Variants in IMMP2L observed in about 807,000 individuals in gnomAD.
The protein encoded by IMMP2L is inner mitochondrial membrane peptidase subunit 2.
IMMP2L carries 18 observed loss-of-function variants against 19.3 expected under a neutral mutation model. That is an observed-to-expected ratio of 0.93 (90% CI 0.64 to 1.38). IMMP2L has a LOEUF of 1.38. Among genes scored for constraint, IMMP2L ranks in the 40% most tolerant of loss-of-function variants. The pLI is 0.00. For synonymous variants in IMMP2L, 76 were observed against 73.0 expected, an observed-to-expected ratio of 1.04 and a Z score of -0.21; for missense variants, 233 against 218.2, an observed-to-expected ratio of 1.07 and a Z score of -0.43.
intron 2 of IMMP2L, among the ~76,000 whole-genome samples, chr7:111,491,528 C>T (rs904017750): frequency 3.3e-5 from 5 of 152,056 alleles, no homozygotes; most frequent in African/African-American, 1.2e-4. Flanking sequence ...ACTCTCTACC[C>T]CCAGGTTCCT....
At chr7:110,965,337 T>C (rs1819417666) in intron 3 of IMMP2L, among the ~76,000 whole-genome samples, 2 of 152,074 alleles carry the variant, frequency 1.3e-5, no homozygotes, top group African/African-American at 4.8e-5. Context: ...ATATTCAAAC[T>C]GTACATTTCA....
chr7:110,934,721 T>C (rs919121037), intron 4 of IMMP2L, among the ~76,000 whole-genome samples: 1 of 152,234 alleles, frequency 6.6e-6, no homozygotes, highest in Non-Finnish European at 1.5e-5. Context: ...TTAGCTCTTC[T>C]TATTGCATTG....
intron 3 of IMMP2L, among the ~76,000 whole-genome samples, chr7:111,105,615 A>T (rs553825830): frequency 6.6e-6 from 1 of 152,002 alleles, no homozygotes; most frequent in East Asian, 1.9e-4. Context: ...AGAAACAAAT[A>T]CAACATGTAT....
At chr7:111,315,819 C>T (rs1452124454) in intron 3 of IMMP2L, among the ~76,000 whole-genome samples, 1 of 151,286 alleles carries the variant, frequency 6.6e-6, no homozygotes, top group African/African-American at 2.4e-5. Context: ...AAAAAACTTA[C>T]TCTGGCTATG....
intron 3 of IMMP2L, among the ~76,000 whole-genome samples, chr7:111,478,553 C>T (rs902083774): frequency 7.2e-6 from 1 of 138,074 alleles, no homozygotes; most frequent in Non-Finnish European, 1.6e-5. Flanking sequence ...CAACACCATG[C>T]CCAGCTTTTG....
In IMMP2L at chr7:110,870,679, A is replaced by C. The variant is rs372646590; in HGVS notation, c.408+15914T>G. Among the ~76,000 whole-genome samples, 29 of 152,120 alleles carry C rather than the reference A, an allele frequency of 1.9e-4. No homozygotes were observed. Among genetic ancestry groups the C allele is most frequent in the African/African-American group, 5.8e-4 (24 of 41,432 alleles). On this transcript the variant is annotated intron_variant, in intron 5 of 5. Transcript: ENST00000405709. The surrounding 1 kb of genome is among the most constrained non-coding windows in gnomAD (Gnocchi z 4.2). ...AGACCTAAAGGAAGAGAATTCAAGGAAGAGGATCTAGCTAGGACAAAAGGC... is the reference window on the plus strand; with the variant it reads ...AGACCTAAAGGAAGAGAATTCAAGGCAGAGGATCTAGCTAGGACAAAAGGC...
chr7:110,687,740 A>G (rs1193732083), intron 5 of IMMP2L, among the ~76,000 whole-genome samples: 1 of 152,124 alleles, frequency 6.6e-6, no homozygotes, highest in Non-Finnish European at 1.5e-5. Flanking sequence ...CTTTATGTCA[A>G]TAAGCTATCT....
chr7:111,237,055 A>T (rs1231897687), intron 3 of IMMP2L, among the ~76,000 whole-genome samples: 1 of 152,178 alleles, frequency 6.6e-6, no homozygotes, highest in African/African-American at 2.4e-5. Flanking sequence ...CATAACACGG[A>T]ATATATAATA....
chr7:111,292,778 T>A (rs1821247848), intron 3 of IMMP2L, among the ~76,000 whole-genome samples: 1 of 152,040 alleles, frequency 6.6e-6, no homozygotes, highest in Non-Finnish European at 1.5e-5. Flanking sequence ...CCCAGGGTTA[T>A]CATGAAAAAT....
chr7:110,712,898 C>T (rs545887643), intron 5 of IMMP2L, among the ~76,000 whole-genome samples: 34 of 140,658 alleles, frequency 2.4e-4, no homozygotes, highest in African/African-American at 7.1e-4. Flanking sequence ...CACTGGCCTG[C>T]GCACACTGTC....
intron 5 of IMMP2L, among the ~76,000 whole-genome samples, chr7:110,689,394 T>A (rs1055942945): frequency 6.6e-6 from 1 of 152,166 alleles, no homozygotes; most frequent in African/African-American, 2.4e-5. Flanking sequence ...TTTTAGCTGC[T>A]ATTAGATATT....
At chr7:110,669,782 T>A (rs1236600499) in intron 5 of IMMP2L, among the ~76,000 whole-genome samples, 1 of 152,194 alleles carries the variant, frequency 6.6e-6, no homozygotes, top group Admixed American at 6.5e-5. Flanking sequence ...AAGCTTTCTA[T>A]CAGGATCACC....
At chr7:111,238,082 T>G (rs922952903) in intron 3 of IMMP2L, among the ~76,000 whole-genome samples, 1 of 152,094 alleles carries the variant, frequency 6.6e-6, no homozygotes, top group Non-Finnish European at 1.5e-5. Context: ...TTATATCCTA[T>G]TCTCAAACAT....
intron 5 of IMMP2L, among the ~76,000 whole-genome samples, chr7:110,666,394 C>T (rs10241789): frequency 0.033 from 4,959 of 152,166 alleles, 173 homozygotes; most frequent in African/African-American, 0.083. Context: ...CCTGCCTCAG[C>T]CTCCTGAGTA....
intron 3 of IMMP2L, among the ~76,000 whole-genome samples, chr7:110,972,439 A>G (rs1277617616): frequency 6.6e-6 from 1 of 152,120 alleles, no homozygotes; most frequent in Non-Finnish European, 1.5e-5. Context: ...ATATGTTTCT[A>G]AGTCTTCCAG....
chr7:111,385,922 A>AT (rs796665940), intron 3 of IMMP2L, among the ~76,000 whole-genome samples: 2,420 of 148,824 alleles, frequency 0.016, 85 homozygotes, highest in African/African-American at 0.056. Context: ...CTCCACATGA[A>AT]TTTTTTTTTT....
rs866465157 is a variant in IMMP2L at position 111,213,430 on chromosome 7, G to A, written c.240-249865C>T. ...CCATGAACTGTGGCAGGAGGCAGAC[G>A]CGCTCCTGAGTGGAAGGGGGTGGGT... On this transcript the variant is annotated intron_variant, in intron 3 of 5. Coordinates refer to ENST00000405709, the MANE Select transcript of IMMP2L (RefSeq NM_032549.4). This position sits in a 1 kb window ranked among gnomAD's most constrained non-coding sequence, Gnocchi z 4.8. Among the ~76,000 whole-genome samples, 5 of 152,284 alleles carry A rather than the reference G, an allele frequency of 3.3e-5. No homozygotes were observed. The highest frequency in any genetic ancestry group is 1.9e-4 in the East Asian group (1 of 5,160).
intron 5 of IMMP2L, among the ~76,000 whole-genome samples, chr7:110,839,817 T>G (rs1007271975): frequency 6.6e-6 from 1 of 152,106 alleles, no homozygotes; most frequent in Non-Finnish European, 1.5e-5. Flanking sequence ...AGCAGATATA[T>G]TTTAGTAAAT....
chr7:110,761,956 G>T (rs183079287), intron 5 of IMMP2L, among the ~76,000 whole-genome samples: 1 of 152,158 alleles, frequency 6.6e-6, no homozygotes, highest in East Asian at 1.9e-4. Flanking sequence ...GTCAACACGG[G>T]GTCCGTACCT....
Sources: allele counts gnomAD v4.1 joint callset (sites outside exome capture counted in the v4.1 genomes callset), GRCh38; gene constraint gnomAD v4.1.1; non-coding constraint Gnocchi (gnomAD v3.1); transcripts MANE v1.5; gene names NCBI Gene and HGNC (gene_info 2026-07-23, HGNC 2026-07-21).